SGCZ: variants seen among roughly 807,000 people sequenced by gnomAD.
SGCZ encodes sarcoglycan zeta.
SGCZ carries 40 observed loss-of-function variants against 41.3 expected under a neutral mutation model. The observed-to-expected ratio is 0.97, with a 90% CI of 0.75 to 1.26. The LOEUF (loss-of-function observed/expected upper bound fraction) is 1.26, where lower values mean the gene tolerates loss of function less well. Ranked by LOEUF, SGCZ falls within the 50% of genes most tolerant of loss-of-function variation. The probability of loss-of-function intolerance (pLI) is 0.00; values close to 1 mark genes in which losing one functional copy is unlikely to be tolerated. For synonymous variants in SGCZ, 206 were observed against 137.5 expected (o/e 1.50, Z -3.49); for missense variants, 552 against 369.8 (o/e 1.49, Z -4.04).
intron 1 of SGCZ, among the ~76,000 whole-genome samples, chr8:14,649,944 C>G (rs1807343656): frequency 1.3e-5 from 2 of 151,908 alleles, no homozygotes; most frequent in African/African-American, 4.8e-5. Flanking sequence ...TGGTTTAGGG[C>G]TATTGGAAGC....
chr8:14,641,523 G>A (rs1402381936), intron 1 of SGCZ, among the ~76,000 whole-genome samples: 1 of 151,588 alleles, frequency 6.6e-6, no homozygotes, highest in East Asian at 1.9e-4. Context: ...CGTTTTTAGA[G>A]TTTCCAAGCC....
At chr8:14,502,171 G>C (rs149022103) in intron 2 of SGCZ, among the ~76,000 whole-genome samples, 1 of 152,112 alleles carries the variant, frequency 6.6e-6, no homozygotes, top group Non-Finnish European at 1.5e-5. Flanking sequence ...TTTCATGATG[G>C]ATCCTTGTAT....
At chr8:14,785,488 T>G (rs1435269253) in intron 1 of SGCZ, among the ~76,000 whole-genome samples, 6 of 152,162 alleles carry the variant, frequency 3.9e-5, no homozygotes, top group African/African-American at 9.7e-5. Flanking sequence ...TCTCAGTGAC[T>G]ATCGAAAAAT....
chr8:14,303,809 T>C (rs1368716156), intron 3 of SGCZ, among the ~76,000 whole-genome samples: 1 of 152,088 alleles, frequency 6.6e-6, no homozygotes, highest in African/African-American at 2.4e-5. Flanking sequence ...TGGAGTGAAG[T>C]GGCGCGATCT....
chr8:14,625,786 T>C (rs1270052216), intron 1 of SGCZ, among the ~76,000 whole-genome samples: 1 of 152,164 alleles, frequency 6.6e-6, no homozygotes, highest in African/African-American at 2.4e-5. Flanking sequence ...GTTTACTATA[T>C]ATTCCGACCC....
intron 1 of SGCZ, among the ~76,000 whole-genome samples, chr8:14,606,554 A>T (rs1805756127): frequency 6.6e-6 from 1 of 152,160 alleles, no homozygotes; most frequent in Non-Finnish European, 1.5e-5. Context: ...ATATCAACCA[A>T]ATCAGTCCCT....
chr8:14,443,838 G>A (rs1475321679), intron 2 of SGCZ, among the ~76,000 whole-genome samples: 1 of 152,134 alleles, frequency 6.6e-6, no homozygotes, highest in Non-Finnish European at 1.5e-5. Flanking sequence ...AAGAGCTTCT[G>A]CACAGCAAAA....
intron 1 of SGCZ, among the ~76,000 whole-genome samples, chr8:14,810,265 A>G (rs1347862484): frequency 1.3e-5 from 2 of 152,058 alleles, no homozygotes; most frequent in Non-Finnish European, 2.9e-5. Context: ...AAATTCAAGA[A>G]GTTTTAGAAC....
chr8:14,416,954 G>T (rs1240781681), intron 2 of SGCZ, among the ~76,000 whole-genome samples: 2 of 151,860 alleles, frequency 1.3e-5, no homozygotes, highest in South Asian at 2.1e-4. Flanking sequence ...TTACCAGAAA[G>T]ATCCAACATA....
At chr8:15,167,009 C>A (rs573989880) in intron 1 of SGCZ, among the ~76,000 whole-genome samples, 1 of 141,858 alleles carries the variant, frequency 7.0e-6, no homozygotes, top group East Asian at 3.7e-4. Context: ...ATTGCTGATT[C>A]TTGTTTTGTT....
At chr8:14,620,808 T>C (rs1398746042) in intron 1 of SGCZ, among the ~76,000 whole-genome samples, 1 of 152,122 alleles carries the variant, frequency 6.6e-6, no homozygotes, top group East Asian at 1.9e-4. Context: ...GGAAAGGATG[T>C]GGAGAAATAG....
At chr8:14,736,992 C>A (rs1018768089) in intron 1 of SGCZ, among the ~76,000 whole-genome samples, 8 of 150,980 alleles carry the variant, frequency 5.3e-5, no homozygotes, top group African/African-American at 1.9e-4. Flanking sequence ...CATCAATCAA[C>A]AAGTGGATAA....
rs116462964 is a variant in SGCZ, at chr8:15,130,905, T to C, written c.39+106680A>G. Among the ~76,000 whole-genome samples, 495 of 152,248 alleles carry C rather than the reference T, an allele frequency of 3.3e-3. 1 individual carries two copies. Among genetic ancestry groups the C allele is most frequent in the African/African-American group, 0.011 (476 of 41,534 alleles). Reference sequence around the variant, plus strand: ...TCACAATATTCTTAACACATCCCCATCCATTTTATATTATTTATTGAGCAT... The same window carrying C: ...TCACAATATTCTTAACACATCCCCACCCATTTTATATTATTTATTGAGCAT... On this transcript the variant is annotated intron_variant, in intron 1 of 7. Transcript: ENST00000382080.
chr8:15,158,302 C>A (rs951816152), intron 1 of SGCZ, among the ~76,000 whole-genome samples: 8 of 152,124 alleles, frequency 5.3e-5, no homozygotes, highest in African/African-American at 1.9e-4. Flanking sequence ...GGCCAAAACC[C>A]CTACCCTAAA....
At chr8:15,113,128 G>T (rs56136887) in intron 1 of SGCZ, among the ~76,000 whole-genome samples, 21,967 of 150,854 alleles carry the variant, frequency 0.15, 2,049 homozygotes, top group Non-Finnish European at 0.21. Context: ...AGCAGCGCTT[G>T]AGTCCAGGAG....
intron 1 of SGCZ, among the ~76,000 whole-genome samples, chr8:15,019,819 G>T (rs919321438): frequency 6.7e-6 from 1 of 149,764 alleles, no homozygotes; most frequent in African/African-American, 2.5e-5. Context: ...TGGGAAAGCA[G>T]CATATTTAGG....
chr8:14,218,525 G>C (rs1263511730), intron 4 of SGCZ, among the ~76,000 whole-genome samples: 1 of 152,208 alleles, frequency 6.6e-6, no homozygotes, highest in Non-Finnish European at 1.5e-5. Flanking sequence ...TCAGGTTGAT[G>C]CAAAAGTAAT....
At chr8:14,687,935 C>T (rs1808669770) in intron 1 of SGCZ, among the ~76,000 whole-genome samples, 1 of 152,180 alleles carries the variant, frequency 6.6e-6, no homozygotes, top group Admixed American at 6.5e-5. Flanking sequence ...GTGCATTTCT[C>T]TGATAGACTG....
intron 1 of SGCZ, among the ~76,000 whole-genome samples, chr8:14,979,709 C>A (rs1391019273): frequency 4.6e-5 from 7 of 152,306 alleles, no homozygotes; most frequent in African/African-American, 1.4e-4. Flanking sequence ...CAATATTCTA[C>A]ACTAAAAAAG....
Sources: gnomAD v4.1 joint callset for allele counts (sites outside exome capture counted in the v4.1 genomes callset) on GRCh38, gnomAD v4.1.1 for gene constraint, MANE v1.5 for transcripts, NCBI Gene and HGNC (gene_info 2026-07-23, HGNC 2026-07-21) for gene names.